The following GAPVD1 variants were observed in gnomAD, a reference collection of about 807,000 sequenced individuals.
GAPVD1 encodes the protein GTPase-activating protein and VPS9 domain-containing protein 1.
GAPVD1 carries 35 observed loss-of-function variants against 155.5 expected under a neutral mutation model. The observed-to-expected ratio is 0.23, with a 90% CI of 0.17 to 0.30. GAPVD1 has a LOEUF of 0.30. Among genes scored for constraint, GAPVD1 ranks in the 10% least tolerant of loss-of-function variants. The probability of loss-of-function intolerance (pLI) is 1.00; values close to 1 mark genes in which losing one functional copy is unlikely to be tolerated. For synonymous variants in GAPVD1, 636 were observed against 619.7 expected (o/e 1.03, Z -0.39); for missense variants, 1,429 against 1,775.7 (o/e 0.80, Z 3.51).
At chr9:125,320,403 G>C (rs1307309229) in intron 9 of GAPVD1, among the ~76,000 whole-genome samples, 1 of 152,104 alleles carries the variant, frequency 6.6e-6, no homozygotes, top group Non-Finnish European at 1.5e-5. Flanking sequence ...GTCTAAGCTG[G>C]AGATGTCTGT....
At chr9:125,338,059 A>G (rs1008429792) in intron 17 of GAPVD1, among the ~76,000 whole-genome samples, 2 of 152,136 alleles carry the variant, frequency 1.3e-5, no homozygotes, top group African/African-American at 2.4e-5. Context: ...GCATTTTATT[A>G]GAGACGGGGT....
At chr9:125,347,954 G>A (rs1208137806) in intron 20 of GAPVD1, among the ~76,000 whole-genome samples, 1 of 151,976 alleles carries the variant, frequency 6.6e-6, no homozygotes, top group African/African-American at 2.4e-5. Flanking sequence ...TACAATGAAG[G>A]TTCATCTACC....
rs922636089 is a variant in GAPVD1, at chr9:125,360,444, C to A, written c.4045-84C>A. 6 of 1,036,202 alleles carry A rather than the reference C, an allele frequency of 5.8e-6. No individual in the cohort carries two copies. In the African/African-American group the frequency reaches 7.8e-5, roughly 14 times the overall value. The allele number at this position is 1,036,202 out of a possible 1,614,324, so 64.2% of individuals were successfully genotyped here. ...GAAAAAGCAACCACATTATCCTCTGCCTCCTGACACGGAGGTTGCAGTAGT... is the reference window on the plus strand; with the variant it reads ...GAAAAAGCAACCACATTATCCTCTGACTCCTGACACGGAGGTTGCAGTAGT... On this transcript the variant is annotated intron_variant, in intron 26 of 27. Transcript: ENST00000297933.
intron 14 of GAPVD1, 102 bp downstream of exon 14, chr9:125,332,162 C>T: frequency 8.6e-7 from 1 of 1,157,992 alleles, no homozygotes; most frequent in Non-Finnish European, 1.2e-6. Context: ...TATTTAAGAG[C>T]TGAGTAATTT....
Position 125,323,926 on chromosome 9 carries a change from A to G in GAPVD1, c.1858+3A>G, listed in dbSNP as rs1844766499. The G allele has an allele frequency of 6.2e-7, 1 of 1,612,194 alleles. No homozygotes were observed. The highest frequency in any genetic ancestry group is 1.3e-5 in the African/African-American group (1 of 74,840). ...ACAGCTGTTAGAACATGAGCAAGGT[A>G]AAGTGAAGTTGAACACAGTTGCCTA... On this transcript the variant is annotated splice_donor_region_variant and intron_variant, in intron 11 of 27. Transcript: ENST00000297933.
intron 9 of GAPVD1, 67 bp from the exon 10 acceptor site, chr9:125,321,366 G>C (rs544191085): frequency 5.5e-5 from 61 of 1,119,164 alleles, no homozygotes; most frequent in Non-Finnish European, 7.9e-5. Context: ...ATATGCATTT[G>C]CTGTGGTTTG....
chr9:125,328,250 G>C (rs1845510132), intron 12 of GAPVD1, among the ~76,000 whole-genome samples: 1 of 138,806 alleles, frequency 7.2e-6, no homozygotes, highest in Admixed American at 7.2e-5. Context: ...TCTCACAGAG[G>C]GGGATTTGGC....
chr9:125,322,902 A>G (rs938614198), intron 10 of GAPVD1, among the ~76,000 whole-genome samples: 16 of 151,632 alleles, frequency 1.1e-4, no homozygotes, highest in Admixed American at 5.9e-4. Context: ...AAATACAACA[A>G]ATTAGCTGGG....
At chr9:125,296,653 C>T (rs149005455) in intron 3 of GAPVD1, among the ~76,000 whole-genome samples, 4 of 125,328 alleles carry the variant, frequency 3.2e-5, no homozygotes, top group East Asian at 2.4e-4. Flanking sequence ...TGTGCCTGGC[C>T]TTTTTTTTTT....
At chr9:125,321,358 A>G (rs1029613940) in intron 9 of GAPVD1, 75 bp from the exon 10 acceptor site, 10 of 1,000,604 alleles carry the variant, frequency 1.0e-5, no homozygotes, top group Admixed American at 4.1e-5. Flanking sequence ...GGAGTTAAAT[A>G]TGCATTTGCT....
chr9:125,353,642 G>T (rs1238562363), intron 23 of GAPVD1, among the ~76,000 whole-genome samples: 1 of 152,166 alleles, frequency 6.6e-6, no homozygotes, highest in Non-Finnish European at 1.5e-5. Context: ...GGCTGGGGAG[G>T]CCTCAAAATT....
At chr9:125,360,390 G>T in intron 26 of GAPVD1, 138 bp from the exon 27 acceptor site, 1 of 618,172 alleles carries the variant, frequency 1.6e-6, no homozygotes. Context: ...AGGGGAAAGG[G>T]GCCTGCAATA....
At chr9:125,335,037 T>G (rs1846678672) in intron 15 of GAPVD1, 1 of 497,628 alleles carries the variant, frequency 2.0e-6, no homozygotes, top group Non-Finnish European at 3.7e-6. Context: ...GGTTTCAAAT[T>G]CTACCTTGTA....
chr9:125,315,441 T>A (rs188721007), intron 9 of GAPVD1, among the ~76,000 whole-genome samples: 131 of 152,330 alleles, frequency 8.6e-4, no homozygotes, highest in Non-Finnish European at 1.5e-3. Context: ...GCCCAGTGGC[T>A]GCTTTGAAGA....
In GAPVD1 at chr9:125,362,836, T is replaced by A; in HGVS notation, c.*90T>A. On this transcript the variant is annotated 3_prime_UTR_variant, in exon 28 of 28. Transcript: ENST00000297933. ...ATCAGCTGCTTTGAAGGCTGAAGAT[T>A]GTTTTGTATGATACTGCACAGCATC... The A allele has an allele frequency of 8.6e-7, 1 of 1,168,138 alleles. No homozygotes were observed. The highest frequency in any genetic ancestry group is 1.2e-6 in the Non-Finnish European group (1 of 812,362). The allele number at this position is 1,168,138 out of a possible 1,614,324, so 72.4% of individuals were successfully genotyped here.
At chr9:125,269,541 G>A (rs1834533628) in intron 2 of GAPVD1, among the ~76,000 whole-genome samples, 1 of 151,120 alleles carries the variant, frequency 6.6e-6, no homozygotes, top group Admixed American at 6.6e-5. Context: ...CCAGGCTGGA[G>A]TGCAGCCTCC....
intron 12 of GAPVD1, among the ~76,000 whole-genome samples, chr9:125,329,741 C>T (rs1845812300): frequency 6.6e-6 from 1 of 151,742 alleles, no homozygotes; most frequent in Admixed American, 6.6e-5. Context: ...GGCATGACCT[C>T]GGCTCACTGC....
chr9:125,342,743 T>C (rs1323814655), intron 19 of GAPVD1, among the ~76,000 whole-genome samples: 1 of 152,264 alleles, frequency 6.6e-6, no homozygotes, highest in African/African-American at 2.4e-5. Context: ...TTATTCAGGA[T>C]CACAGTGAAA....
chr9:125,286,702 TA>T, intron 2 of GAPVD1, among the ~76,000 whole-genome samples: 1 of 152,238 alleles, frequency 6.6e-6, no homozygotes, highest in Middle Eastern at 3.4e-3. Context: ...TACATAGGCC[TA>T]AGAGATGCCC....
Sources: gnomAD v4.1 joint callset for allele counts (sites outside exome capture counted in the v4.1 genomes callset) on GRCh38, gnomAD v4.1.1 for gene constraint, MANE v1.5 for transcripts, NCBI Gene and HGNC (gene_info 2026-07-23, HGNC 2026-07-21) for gene names.